The following SFTPD variants were observed in gnomAD, a reference collection of about 807,000 sequenced individuals.
The protein encoded by SFTPD is surfactant protein D, also known as pulmonary surfactant-associated protein D.
SFTPD carries 18 observed loss-of-function variants against 34.6 expected under a neutral mutation model. That is an observed-to-expected ratio of 0.52 (90% confidence interval 0.36 to 0.77). SFTPD has a LOEUF of 0.77. Ranked by LOEUF, SFTPD falls within the 30% of genes least tolerant of loss-of-function variation. SFTPD has a pLI of 0.00. For missense variants in SFTPD, 433 were observed against 468.9 expected (o/e 0.92, Z 0.71); for synonymous variants, 155 against 180.9 (o/e 0.86, Z 1.15).
At chr10:79,941,079 C>T (rs1842606608) in intron 6 of SFTPD, among the ~76,000 whole-genome samples, 1 of 152,156 alleles carries the variant, frequency 6.6e-6, no homozygotes, top group Non-Finnish European at 1.5e-5. Flanking sequence ...GGTTGCTGGG[C>T]AGGAATACAC....
intron 1 of SFTPD, among the ~76,000 whole-genome samples, chr10:79,974,094 T>G (rs1421179839): frequency 6.6e-6 from 1 of 152,116 alleles, no homozygotes; most frequent in African/African-American, 2.4e-5. Flanking sequence ...GCTGAAAAAT[T>G]TATTTGACAG....
intron 1 of SFTPD, among the ~76,000 whole-genome samples, chr10:79,961,098 G>A (rs1258981172): frequency 6.6e-6 from 1 of 152,180 alleles, no homozygotes; most frequent in Non-Finnish European, 1.5e-5. Flanking sequence ...GCCATAAGTA[G>A]AAAGCTGAAA....
At chr10:79,942,957 G>A (rs1842629274) in intron 2 of SFTPD, 78 bp from the exon 3 acceptor site, 6 of 904,250 alleles carry the variant, frequency 6.6e-6, no homozygotes, top group Non-Finnish European at 1.1e-5. Context: ...TCAGCCCCTA[G>A]CATTCCTTTA....
At chr10:79,976,293 G>A (rs1022384678) in intron 1 of SFTPD, among the ~76,000 whole-genome samples, 1 of 152,184 alleles carries the variant, frequency 6.6e-6, no homozygotes, top group Non-Finnish European at 1.5e-5. Flanking sequence ...AGTTCAGCTG[G>A]TTTTGTGGTC....
Position 79,940,740 on chromosome 10 carries a change from T to C in SFTPD, c.716A>G (p.Gln239Arg). The change falls in exon 7 of 8, where the codon CAG becomes CGG. Residue 239 changes from glutamine (Q) to arginine (R), a missense_variant. Coordinates refer to ENST00000372292, the MANE Select transcript of SFTPD (RefSeq NM_003019.5). ...QQVEALQGQVQHLQAAFSQYK... is the reference protein window; with the variant it reads ...QQVEALQGQVRHLQAAFSQYK... The stretch of plus-strand genomic sequence containing the variant: ...CTGAGAGAAAGCAGCCTGGAGGTGC[T>C]GTACTTGTCCCTGTAAGGCCTCAAC... The C allele has an allele frequency of 2.5e-6, 4 of 1,612,102 alleles. No homozygotes were observed. The highest frequency in any genetic ancestry group is 2.5e-6 in the Non-Finnish European group (3 of 1,178,308).
At chr10:79,973,555 T>C (rs1377571940) in intron 1 of SFTPD, among the ~76,000 whole-genome samples, 1 of 149,888 alleles carries the variant, frequency 6.7e-6, no homozygotes, top group Non-Finnish European at 1.5e-5. Context: ...GAGGGAGAAT[T>C]TGCAGTGAGC....
At chr10:79,941,794 C>T (rs1283478449) in intron 5 of SFTPD, among the ~76,000 whole-genome samples, 160 bp downstream of exon 5, 1 of 152,190 alleles carries the variant, frequency 6.6e-6, no homozygotes, top group Non-Finnish European at 1.5e-5. Flanking sequence ...GAACAGTCCC[C>T]AGAGCCCCCT....
intron 1 of SFTPD, among the ~76,000 whole-genome samples, chr10:79,947,834 T>C (rs1842680737): frequency 1.3e-5 from 2 of 152,218 alleles, no homozygotes; most frequent in African/African-American, 4.8e-5. Context: ...GAGACCAGGA[T>C]AAGAGCAGGA....
intron 1 of SFTPD, among the ~76,000 whole-genome samples, chr10:79,963,477 A>G (rs886852896): frequency 4.1e-4 from 62 of 152,182 alleles, no homozygotes; most frequent in Non-Finnish European, 1.8e-4. Context: ...ATGTCAGAGT[A>G]CCTATCCTAG....
chr10:79,948,850 T>G (rs908631813), intron 1 of SFTPD, among the ~76,000 whole-genome samples: 9 of 152,050 alleles, frequency 5.9e-5, no homozygotes, highest in African/African-American at 2.2e-4. Context: ...CACCCCCAGC[T>G]CAGAAAGCAA....
chr10:79,955,362 AGGTT>A (rs1202617367), intron 1 of SFTPD, among the ~76,000 whole-genome samples: 1 of 152,190 alleles, frequency 6.6e-6, no homozygotes, highest in African/African-American at 2.4e-5. Flanking sequence ...TTGAAGAGTA[AGGTT>A]TTATCTTAAA....
At chr10:79,945,477 C>T (rs561507613) in intron 2 of SFTPD, among the ~76,000 whole-genome samples, 1 of 152,264 alleles carries the variant, frequency 6.6e-6, no homozygotes, top group East Asian at 1.9e-4. Context: ...CCTTTGAAGC[C>T]CTGCCCAATG....
At chr10:79,968,913 G>A (rs1183061793) in intron 1 of SFTPD, 1 of 152,012 alleles carries the variant, frequency 6.6e-6, no homozygotes, top group Non-Finnish European at 1.5e-5. Context: ...GCATTTATCT[G>A]ATGATTAGTG....
rs544565844 is a variant in SFTPD, at chr10:79,957,895, A to G, written c.37-11233T>C. On this transcript the variant is annotated intron_variant, in intron 1 of 5. Coordinates refer to the SFTPD transcript ENST00000444384. ...GAAGGAAAAAATGTTAAGGACAGCC[A>G]GAGAGAAAGGTCGGGTTACCCACAA... Among the ~76,000 whole-genome samples, 8 of 152,366 alleles carry G rather than the reference A, an allele frequency of 5.3e-5. No individual in the cohort carries two copies. The South Asian group carries it at 1.7e-3, about 32-fold the overall frequency.
intron 1 of SFTPD, among the ~76,000 whole-genome samples, chr10:79,978,591 G>A (rs1192090657): frequency 7.0e-6 from 1 of 143,080 alleles, no homozygotes; most frequent in African/African-American, 2.6e-5. Context: ...GGTTGAGGCT[G>A]CAGTGAGTCA....
chr10:79,958,370 G>T (rs1842752214), intron 1 of SFTPD, among the ~76,000 whole-genome samples: 2 of 152,170 alleles, frequency 1.3e-5, no homozygotes, highest in Admixed American at 6.5e-5. Flanking sequence ...TGGATAAAGA[G>T]TCAAGACCCA....
Position 79,937,939 on chromosome 10 carries a change from C to T in SFTPD, c.1041G>A (p.Gly347=), listed in dbSNP as rs1427832628. 2 of 1,611,894 alleles carry T rather than the reference C, an allele frequency of 1.2e-6. No homozygotes were observed. Among genetic ancestry groups the T allele is most frequent in the African/African-American group, 1.3e-5 (1 of 74,786 alleles). The change falls in exon 8 of 8, where the codon GGG becomes GGA. Residue 347 remains glycine, a synonymous_variant. Transcript: ENST00000372292. ...WAPGEPNDDG[G]SEDCVEIFTN... is the part of the protein sequence containing the mutation. ...TGAAGATCTCCACACAGTCCTCTGA[C>T]CCGCCATCATCGTTGGGCTCCCCTG...
At chr10:79,947,645 G>C (rs900151333) in intron 1 of SFTPD, among the ~76,000 whole-genome samples, 3 of 152,092 alleles carry the variant, frequency 2.0e-5, no homozygotes, top group African/African-American at 7.2e-5. Flanking sequence ...AGCCGAGATC[G>C]TGCCACTGCA....
intron 1 of SFTPD, among the ~76,000 whole-genome samples, chr10:79,976,749 A>G (rs1278730768): frequency 6.6e-6 from 1 of 152,156 alleles, no homozygotes; most frequent in Admixed American, 6.5e-5. Context: ...CTGCCTGGCA[A>G]CCATCCTCTC....
Sources: gnomAD v4.1 joint callset for allele counts (sites outside exome capture counted in the v4.1 genomes callset) on GRCh38, gnomAD v4.1.1 for gene constraint, MANE v1.5 for transcripts, NCBI Gene and HGNC (gene_info 2026-07-23, HGNC 2026-07-21) for gene names.